Variants in CACNA1C observed in about 807,000 individuals in gnomAD.
CACNA1C encodes voltage-dependent L-type calcium channel subunit alpha-1C.
CACNA1C carries 30 observed loss-of-function variants against 229.0 expected under a neutral mutation model. That is an observed-to-expected ratio of 0.13 (90% CI 0.10 to 0.18). The LOEUF (loss-of-function observed/expected upper bound fraction) is 0.18. Among genes scored for constraint, CACNA1C ranks in the 10% least tolerant of loss-of-function variants. The pLI is 1.00. For missense variants in CACNA1C, 1,658 were observed against 2,845.0 expected (o/e 0.58, Z 9.49); for synonymous variants, 1,114 against 1,132.5 (o/e 0.98, Z 0.33).
chr12:2,298,266 A>G (rs1158880572), intron 3 of CACNA1C, among the ~76,000 whole-genome samples: 1 of 152,212 alleles, frequency 6.6e-6, no homozygotes, highest in Non-Finnish European at 1.5e-5. Context: ...TCCTATAGTT[A>G]CAGCTCAAGT....
chr12:2,532,750 T>A (rs2099844157), intron 9 of CACNA1C, among the ~76,000 whole-genome samples: 1 of 152,186 alleles, frequency 6.6e-6, no homozygotes, highest in African/African-American at 2.4e-5. Flanking sequence ...CCACTGAGCC[T>A]GCAGCATGAA....
chr12:2,312,333 C>A (rs566088890), intron 3 of CACNA1C, among the ~76,000 whole-genome samples: 1 of 152,168 alleles, frequency 6.6e-6, no homozygotes, highest in East Asian at 1.9e-4. Context: ...GTGGGGCAGG[C>A]GTGCGGGTGT....
intron 1 of CACNA1C, among the ~76,000 whole-genome samples, chr12:2,045,487 T>C (rs1259550801): frequency 6.6e-6 from 1 of 152,192 alleles, no homozygotes; most frequent in Non-Finnish European, 1.5e-5. Context: ...GCATTCAATT[T>C]CTCTAATTAA....
chr12:2,625,643 T>C (rs760892106), intron 29 of CACNA1C, among the ~76,000 whole-genome samples: 49 of 152,012 alleles, frequency 3.2e-4, no homozygotes, highest in Non-Finnish European at 1.6e-4. Flanking sequence ...TGTGAACTTA[T>C]ATCATTCTCA....
chr12:2,598,177 T>C (rs2069522606), intron 21 of CACNA1C, among the ~76,000 whole-genome samples: 1 of 152,148 alleles, frequency 6.6e-6, no homozygotes, highest in East Asian at 1.9e-4. Flanking sequence ...GAGGGAGAAT[T>C]GTGCTGGAGA....
Position 2,577,695 on chromosome 12 carries a change from T to C in CACNA1C, c.1896-3895T>C, listed in dbSNP as rs996677170. Among the ~76,000 whole-genome samples the C allele has an allele frequency of 2.6e-5, 4 of 152,230 alleles. No homozygotes were observed. The South Asian group carries it at 8.3e-4, about 32-fold the overall frequency. ...CCTTTCCCTCCAGGAAGTACCAATG[T>C]GTCATATGAATAGTAAGGTTCATTC... On this transcript the variant is annotated intron_variant, in intron 13 of 46. Transcript: ENST00000399655.
intron 3 of CACNA1C, among the ~76,000 whole-genome samples, chr12:2,211,912 G>C (rs1272256368): frequency 6.6e-6 from 1 of 151,694 alleles, no homozygotes; most frequent in Non-Finnish European, 1.5e-5. Context: ...GTAGAGATGG[G>C]GTTTCACCAT....
In CACNA1C at chr12:2,651,860, G is replaced by A; in HGVS notation, c.4074+92G>A. Reference sequence around the variant, plus strand: ...GACACAAGGAGGAGCCCTCCACTCTGGGGCCCTGCTCCTTCCTCTGTGTGG... The same window carrying A: ...GACACAAGGAGGAGCCCTCCACTCTAGGGCCCTGCTCCTTCCTCTGTGTGG... On this transcript the variant is annotated intron_variant, in intron 32 of 46. Coordinates refer to ENST00000399655, the MANE Select transcript of CACNA1C (RefSeq NM_000719.7). This position sits in a 1 kb window ranked among gnomAD's most constrained non-coding sequence, Gnocchi z 5.4. 9.8e-7 allele frequency: 1 copy of A among 1,019,594 alleles called. No individual in the cohort carries two copies. The highest frequency in any genetic ancestry group is 1.4e-6 in the Non-Finnish European group (1 of 706,468). 63.2% of individuals were successfully genotyped at this position (1,019,594 alleles called of 1,614,324 possible).
chr12:2,162,669 G>A (rs2095948691), intron 3 of CACNA1C, among the ~76,000 whole-genome samples: 1 of 151,936 alleles, frequency 6.6e-6, no homozygotes, highest in Admixed American at 6.6e-5. Flanking sequence ...AGGCCTGGGG[G>A]AGAAATTGCC....
At chr12:2,546,021 G>A (rs570464869) in intron 9 of CACNA1C, among the ~76,000 whole-genome samples, 10 of 152,198 alleles carry the variant, frequency 6.6e-5, no homozygotes, top group East Asian at 3.9e-4. Context: ...ACATTCTCCC[G>A]TGCAGTGGCT....
chr12:2,607,426 T>G, intron 26 of CACNA1C: 1 of 288,546 alleles, frequency 3.5e-6, no homozygotes, highest in Non-Finnish European at 6.5e-6. Flanking sequence ...ATTACCCTTA[T>G]GGCATCTGGG....
Position 2,665,081 on chromosome 12 carries a change from G to A in CACNA1C, c.4398+91G>A. ...TCCATCTCTGCAGCTCATGGTCAGGGCAACCCTATCAGAGGAGCTGGCTTG... is the reference window on the plus strand; with the variant it reads ...TCCATCTCTGCAGCTCATGGTCAGGACAACCCTATCAGAGGAGCTGGCTTG... On this transcript the variant is annotated intron_variant, in intron 35 of 46. Transcript: ENST00000399655. This position sits in a 1 kb window ranked among gnomAD's most constrained non-coding sequence, Gnocchi z 5.9. 3 of 1,386,014 alleles carry A rather than the reference G, an allele frequency of 2.2e-6. No individual in the cohort carries two copies. In the South Asian group the frequency reaches 3.6e-5, roughly 17 times the overall value. The allele number at this position is 1,386,014 out of a possible 1,614,324, so 85.9% of individuals were successfully genotyped here.
chr12:2,111,543 T>G (rs2081744208), intron 1 of CACNA1C, among the ~76,000 whole-genome samples: 1 of 149,950 alleles, frequency 6.7e-6, no homozygotes, highest in Non-Finnish European at 1.5e-5. Flanking sequence ...GTACAAAGAT[T>G]AAGGTCTGGG....
chr12:2,266,811 G>A (rs1271235504), intron 3 of CACNA1C, among the ~76,000 whole-genome samples: 1 of 152,216 alleles, frequency 6.6e-6, no homozygotes, highest in Non-Finnish European at 1.5e-5. Flanking sequence ...GGCTCGAGCT[G>A]GGCAGGCCTG....
At chr12:2,421,683 T>C (rs545326851) in intron 3 of CACNA1C, among the ~76,000 whole-genome samples, 5 of 152,128 alleles carry the variant, frequency 3.3e-5, no homozygotes, top group African/African-American at 1.2e-4. Flanking sequence ...GAGGCCGAGG[T>C]GGGTAGATCA....
At chr12:2,164,396 G>T (rs1234530023) in intron 3 of CACNA1C, among the ~76,000 whole-genome samples, 1 of 152,208 alleles carries the variant, frequency 6.6e-6, no homozygotes, top group Admixed American at 6.5e-5. Flanking sequence ...AAATCCCTTT[G>T]CCTCTCTGGG....
chr12:2,498,738 C>T (rs1178567347), intron 7 of CACNA1C, among the ~76,000 whole-genome samples: 1 of 152,190 alleles, frequency 6.6e-6, no homozygotes, highest in African/African-American at 2.4e-5. Context: ...TTTACTGGAC[C>T]AGGAGAGAAG....
At chr12:2,100,582 CAAAA>C (rs71441677) in intron 1 of CACNA1C, among the ~76,000 whole-genome samples, 22 of 66,472 alleles carry the variant, frequency 3.3e-4, no homozygotes, top group African/African-American at 1.0e-3. Flanking sequence ...CTGTTTCTAC[CAAAA>C]AAAAAAAAAA....
At position 2,610,841 on chromosome 12, in the gene CACNA1C, C is replaced by T. The variant is rs2077295016; in HGVS notation, c.3717+142C>T. 3.6e-6 allele frequency: 3 copies of T among 832,284 alleles called. No homozygotes were observed. The South Asian group carries it at 5.0e-5, about 14-fold the overall frequency. The allele number at this position is 832,284 out of a possible 1,614,324, so 51.6% of individuals were successfully genotyped here. ...GCATTTGGAGAAAGACGAGTGTTCT[C>T]TGTCAAGGATGTGCTCCTCTCTGGG... is the stretch of plus-strand genomic sequence containing the variant. On this transcript the variant is annotated intron_variant, in intron 28 of 46. Coordinates refer to ENST00000399655, the MANE Select transcript of CACNA1C (RefSeq NM_000719.7).
Sources: allele counts gnomAD v4.1 joint callset (sites outside exome capture counted in the v4.1 genomes callset), GRCh38; gene constraint gnomAD v4.1.1; non-coding constraint Gnocchi (gnomAD v3.1); transcripts MANE v1.5; gene names NCBI Gene and HGNC (gene_info 2026-07-23, HGNC 2026-07-21).